The following LYPLAL1 variants were observed in gnomAD, a reference collection of about 807,000 sequenced individuals.
The protein encoded by LYPLAL1 is lysophospholipase-like protein 1.
A neutral mutation model predicts 19.7 loss-of-function variants in LYPLAL1; 23 were observed. The ratio of observed to expected loss-of-function variants is 1.17; its 90% CI spans 0.84 to 1.65. LYPLAL1 has a LOEUF of 1.65. LYPLAL1 is among the 40% of genes most tolerant of loss of function. LYPLAL1 has a pLI of 0.00. For missense variants in LYPLAL1, 355 were observed against 279.4 expected, an observed-to-expected ratio of 1.27 and a Z score of -1.93; for synonymous variants, 119 against 96.3, an observed-to-expected ratio of 1.24 and a Z score of -1.38.
chr1:219,190,633 A>AAC (rs1278969598), intron 2 of LYPLAL1, among the ~76,000 whole-genome samples: 2 of 150,228 alleles, frequency 1.3e-5, no homozygotes, highest in Non-Finnish European at 3.0e-5. Flanking sequence ...AAAAAAAAAA[A>AAC]AAAAAAAAAC....
At chr1:219,200,226 C>T (rs1393208773) in intron 3 of LYPLAL1, 30 of 254,018 alleles carry the variant, frequency 1.2e-4, no homozygotes, top group Non-Finnish European at 1.6e-4. Context: ...GTGCTTATCT[C>T]GAGCCAAGAA....
At chr1:219,400,111 C>T in the LYPLAL1 span, among the ~76,000 whole-genome samples, 4 of 152,256 alleles carry the variant, frequency 2.6e-5, no homozygotes, top group East Asian at 7.7e-4. Flanking sequence ...GGAATGAGTC[C>T]TGATGCACAG....
chr1:219,406,661 A>G, the LYPLAL1 span, among the ~76,000 whole-genome samples: 2 of 152,256 alleles, frequency 1.3e-5, no homozygotes, highest in Non-Finnish European at 2.9e-5. Context: ...TTTGTTTATC[A>G]TGAAACCCTA....
chr1:219,434,783 G>A, the LYPLAL1 span, among the ~76,000 whole-genome samples: 70 of 152,290 alleles, frequency 4.6e-4, no homozygotes, highest in African/African-American at 9.6e-4. Flanking sequence ...ATTGACTTGC[G>A]TTACAGGAGA....
the LYPLAL1 span, among the ~76,000 whole-genome samples, chr1:219,408,478 AGAAAAAATGGTCCTACCTT>A: frequency 1.3e-5 from 2 of 152,158 alleles, no homozygotes; most frequent in African/African-American, 4.8e-5. Context: ...ACAGTGTTAG[AGAAAAAATGGTCCTACCTT>A]GAAGCCAGAG....
the LYPLAL1 span, among the ~76,000 whole-genome samples, chr1:219,371,063 T>C: frequency 6.6e-6 from 1 of 152,196 alleles, no homozygotes; most frequent in Non-Finnish European, 1.5e-5. Context: ...ATCGTAGTTA[T>C]ATTACTTATT....
At chr1:219,357,877 A>G in the LYPLAL1 span, among the ~76,000 whole-genome samples, 1 of 152,218 alleles carries the variant, frequency 6.6e-6, no homozygotes, top group Non-Finnish European at 1.5e-5. Context: ...CTATCAAACC[A>G]AGCAAAGACA....
chr1:219,367,609 G>A, the LYPLAL1 span, among the ~76,000 whole-genome samples: 121 of 152,014 alleles, frequency 8.0e-4, 1 homozygote, highest in Non-Finnish European at 1.0e-4. Context: ...ATTGGGAAAA[G>A]GATTAAAATA....
chr1:219,430,385 G>A, the LYPLAL1 span, among the ~76,000 whole-genome samples: 3 of 150,242 alleles, frequency 2.0e-5, no homozygotes, highest in Non-Finnish European at 4.4e-5. Flanking sequence ...AGGTTACTTC[G>A]TTTTGTAGTT....
the LYPLAL1 span, among the ~76,000 whole-genome samples, chr1:219,352,897 C>T: frequency 6.6e-6 from 1 of 152,192 alleles, no homozygotes; most frequent in African/African-American, 2.4e-5. Flanking sequence ...AAAATATTTA[C>T]CATGCTATCC....
chr1:219,180,717 AATC>A (rs1656207347), intron 2 of LYPLAL1, among the ~76,000 whole-genome samples: 1 of 152,246 alleles, frequency 6.6e-6, no homozygotes, highest in Non-Finnish European at 1.5e-5. Context: ...TTGTCTGATT[AATC>A]ATAAGACCAC....
intron 1 of LYPLAL1, chr1:219,175,199 C>G (rs1012049520): frequency 1.6e-6 from 1 of 623,812 alleles, no homozygotes; most frequent in Non-Finnish European, 2.0e-6. Flanking sequence ...GGATTAGAAC[C>G]CAAAGCTCTC....
At chr1:219,375,231 C>A in the LYPLAL1 span, among the ~76,000 whole-genome samples, 1 of 152,046 alleles carries the variant, frequency 6.6e-6, no homozygotes, top group Admixed American at 6.6e-5. Flanking sequence ...CTTTGGGAGG[C>A]CAAGGCAGGC....
intron 2 of LYPLAL1, among the ~76,000 whole-genome samples, chr1:219,186,385 AGTT>A (rs1656722154): frequency 2.0e-5 from 3 of 151,746 alleles, no homozygotes; most frequent in African/African-American, 7.3e-5. Context: ...TATTTTTCTA[AGTT>A]GTTCTATTAG....
chr1:219,175,877 A>G (rs1447353632), intron 1 of LYPLAL1, among the ~76,000 whole-genome samples: 5 of 152,210 alleles, frequency 3.3e-5, no homozygotes, highest in Admixed American at 6.5e-5. Flanking sequence ...GGGCAAACCA[A>G]TTCTGTTTTA....
chr1:219,407,393 A>G, the LYPLAL1 span, among the ~76,000 whole-genome samples: 43,168 of 152,094 alleles, frequency 0.28, 6,518 homozygotes, highest in East Asian at 0.53. Context: ...AAATAAAATT[A>G]GAGACCATAT....
the LYPLAL1 span, among the ~76,000 whole-genome samples, chr1:219,257,477 G>A: frequency 3.3e-5 from 5 of 150,854 alleles, no homozygotes; most frequent in African/African-American, 1.2e-4. Context: ...TAAAGAGAAA[G>A]AGTACAAAGA....
chr1:219,215,420 G>A (rs1226598928), downstream of LYPLAL1, among the ~76,000 whole-genome samples: 1 of 152,010 alleles, frequency 6.6e-6, no homozygotes, highest in Non-Finnish European at 1.5e-5. Flanking sequence ...TGACCAACTT[G>A]ATTATTGTGT....
the LYPLAL1 span, among the ~76,000 whole-genome samples, chr1:219,371,863 C>A: frequency 6.6e-6 from 1 of 152,216 alleles, no homozygotes; most frequent in South Asian, 2.1e-4. Context: ...CTTTGTTCAA[C>A]TAATCTCTGT....
Sources: allele counts gnomAD v4.1 joint callset (sites outside exome capture counted in the v4.1 genomes callset), GRCh38; gene constraint gnomAD v4.1.1; transcripts MANE v1.5; gene names NCBI Gene and HGNC (gene_info 2026-07-23, HGNC 2026-07-21).